The following CTNNA2 variants were observed in gnomAD, a reference collection of about 807,000 sequenced individuals.
CTNNA2 encodes catenin alpha-2.
Under a neutral mutation model 101.0 loss-of-function variants are expected in CTNNA2, and 42 were observed. That is an observed-to-expected ratio of 0.42 (90% CI 0.32 to 0.54). The LOEUF (loss-of-function observed/expected upper bound fraction) is 0.54. Among genes scored for constraint, CTNNA2 ranks in the 20% least tolerant of loss-of-function variants. The pLI is 0.14. For synonymous variants in CTNNA2, 450 were observed against 456.4 expected (o/e 0.99, Z 0.18); for missense variants, 871 against 1,223.1 (o/e 0.71, Z 4.29).
In CTNNA2 at chr2:79,355,336, T is replaced by C. The variant is rs911048379; in HGVS notation, c.-317-18495T>C. ...TTGGACATTATGGTCATTTTTGTGA[T>C]ATTTATTCTTTTAATCCATGAACAT... On this transcript the variant is annotated intron_variant, in intron 3 of 21. Coordinates refer to the CTNNA2 transcript ENST00000466387. Among the ~76,000 whole-genome samples the C allele has an allele frequency of 2.2e-4, 34 of 152,328 alleles. No homozygotes were observed. In the Middle Eastern group the frequency reaches 0.01, roughly 46 times the overall value.
intron 2 of CTNNA2, among the ~76,000 whole-genome samples, chr2:79,272,769 A>G (rs1282437869): frequency 1.3e-5 from 2 of 152,032 alleles, no homozygotes; most frequent in Non-Finnish European, 1.5e-5. Context: ...TATTCATCCA[A>G]TGGCTGAATT....
chr2:80,138,017 A>G (rs1702793041), intron 7 of CTNNA2, among the ~76,000 whole-genome samples: 1 of 152,164 alleles, frequency 6.6e-6, no homozygotes, highest in Non-Finnish European at 1.5e-5. Flanking sequence ...CAATTTTACA[A>G]AGGAGAAGAT....
chr2:80,384,093 C>G (rs183585140), intron 7 of CTNNA2, among the ~76,000 whole-genome samples: 1 of 152,114 alleles, frequency 6.6e-6, no homozygotes. Context: ...CATGTTCTCC[C>G]TTACAAATAG....
At chr2:80,522,012 G>T (rs1376618862) in intron 9 of CTNNA2, among the ~76,000 whole-genome samples, 1 of 152,124 alleles carries the variant, frequency 6.6e-6, no homozygotes, top group Non-Finnish European at 1.5e-5. Context: ...GCCCCAAGTG[G>T]TTTCTCAACC....
At chr2:80,440,957 C>T (rs1209441273) in intron 9 of CTNNA2, among the ~76,000 whole-genome samples, 1 of 152,154 alleles carries the variant, frequency 6.6e-6, no homozygotes, top group Admixed American at 6.5e-5. Flanking sequence ...TCTCCACCAT[C>T]CTCTCTGCAA....
chr2:80,192,440 C>A (rs1309009860), intron 7 of CTNNA2, among the ~76,000 whole-genome samples: 1 of 152,188 alleles, frequency 6.6e-6, no homozygotes, highest in Non-Finnish European at 1.5e-5. Context: ...TTCTTGTCTT[C>A]CCTTTTAGTA....
chr2:79,911,394 C>T (rs925168555), intron 7 of CTNNA2, among the ~76,000 whole-genome samples: 9 of 152,162 alleles, frequency 5.9e-5, no homozygotes, highest in Admixed American at 2.6e-4. Context: ...TGGTTAAGAT[C>T]TCAATATAAA....
intron 2 of CTNNA2, among the ~76,000 whole-genome samples, chr2:79,721,548 C>T (rs955780719): frequency 5.3e-5 from 8 of 152,202 alleles, no homozygotes; most frequent in Admixed American, 1.3e-4. Flanking sequence ...GCAGCCTGTA[C>T]GCTTCATATC....
At chr2:80,639,489 C>T (rs1673223861) in intron 18 of CTNNA2, among the ~76,000 whole-genome samples, 1 of 149,888 alleles carries the variant, frequency 6.7e-6, no homozygotes, top group Non-Finnish European at 1.5e-5. Context: ...GGATTATAGG[C>T]ATGAACCACC....
chr2:79,517,904 T>G (rs1026379085), intron 1 of CTNNA2, among the ~76,000 whole-genome samples: 1 of 152,186 alleles, frequency 6.6e-6, no homozygotes, highest in African/African-American at 2.4e-5. Context: ...TAGGAAAACT[T>G]GCATTAACAG....
chr2:80,094,384 T>G (rs146439662), intron 7 of CTNNA2, among the ~76,000 whole-genome samples: 34,462 of 152,086 alleles, frequency 0.23, 4,692 homozygotes, highest in East Asian at 0.52. Flanking sequence ...TTGGTACCAG[T>G]ACCATGCTGT....
chr2:79,983,182 G>A (rs376584398), intron 7 of CTNNA2, among the ~76,000 whole-genome samples: 2 of 148,182 alleles, frequency 1.3e-5, no homozygotes, highest in African/African-American at 2.5e-5. Context: ...ATACATATAT[G>A]TTTTATATAT....
intron 9 of CTNNA2, among the ~76,000 whole-genome samples, chr2:80,469,223 A>G (rs1685095089): frequency 6.6e-6 from 1 of 152,188 alleles, no homozygotes; most frequent in South Asian, 2.1e-4. Flanking sequence ...GACTGCACTG[A>G]CATCTATTCT....
At chr2:80,116,328 G>T (rs1310520478) in intron 7 of CTNNA2, among the ~76,000 whole-genome samples, 1 of 150,684 alleles carries the variant, frequency 6.6e-6, no homozygotes, top group African/African-American at 2.4e-5. Flanking sequence ...ACAGGGTTGG[G>T]TGTAGGGGAC....
chr2:80,282,047 A>G (rs531854706), intron 7 of CTNNA2, among the ~76,000 whole-genome samples: 2 of 152,210 alleles, frequency 1.3e-5, no homozygotes, highest in Admixed American at 6.5e-5. Context: ...GATGCTAGCA[A>G]CTGTTTCTTA....
intron 2 of CTNNA2, among the ~76,000 whole-genome samples, chr2:79,221,698 A>T (rs1674347353): frequency 6.6e-6 from 1 of 152,136 alleles, no homozygotes; most frequent in Admixed American, 6.5e-5. Flanking sequence ...TAAATTTATT[A>T]GATCTATTAA....
chr2:80,125,561 C>T (rs1431846297), intron 7 of CTNNA2, among the ~76,000 whole-genome samples: 1 of 152,174 alleles, frequency 6.6e-6, no homozygotes, highest in Non-Finnish European at 1.5e-5. Flanking sequence ...CCTCTGCCAT[C>T]CTGTGCATAG....
intron 8 of CTNNA2, among the ~76,000 whole-genome samples, chr2:80,405,857 T>G (rs1679001541): frequency 6.6e-6 from 1 of 152,144 alleles, no homozygotes; most frequent in African/African-American, 2.4e-5. Flanking sequence ...ATGTCAGAAG[T>G]TTGGGTGATT....
At chr2:80,075,276 T>C (rs901608877) in intron 7 of CTNNA2, among the ~76,000 whole-genome samples, 2 of 152,172 alleles carry the variant, frequency 1.3e-5, no homozygotes, top group Non-Finnish European at 2.9e-5. Flanking sequence ...GCAAAGTGGC[T>C]TTTGATATAC....
Sources: gnomAD v4.1 joint callset for allele counts (sites outside exome capture counted in the v4.1 genomes callset) on GRCh38, gnomAD v4.1.1 for gene constraint, MANE v1.5 for transcripts, NCBI Gene and HGNC (gene_info 2026-07-23, HGNC 2026-07-21) for gene names.